Variants in KIF21A observed in about 807,000 individuals in gnomAD.
The protein encoded by KIF21A is kinesin family member 21A.
Under a neutral mutation model 202.9 loss-of-function variants are expected in KIF21A, and 114 were observed. The observed-to-expected ratio is 0.56, with a 90% confidence interval of 0.48 to 0.66. The LOEUF (loss-of-function observed/expected upper bound fraction) is 0.66. Ranked by LOEUF, KIF21A falls within the 30% of genes least tolerant of loss-of-function variation. The probability of loss-of-function intolerance (pLI) is 0.00; values close to 1 mark genes in which losing one functional copy is unlikely to be tolerated. For missense variants in KIF21A, 1,677 were observed against 1,994.9 expected, an observed-to-expected ratio of 0.84 and a Z score of 3.04; for synonymous variants, 667 against 670.8, an observed-to-expected ratio of 0.99 and a Z score of 0.09.
chr12:39,426,187 T>C (rs1360715787), intron 1 of KIF21A, among the ~76,000 whole-genome samples: 3 of 152,218 alleles, frequency 2.0e-5, no homozygotes, highest in Non-Finnish European at 4.4e-5. Context: ...AAAATATTTT[T>C]AGAATTGGAA....
rs117539528 is a variant in KIF21A, at chr12:39,344,864, G to A, written c.1712+1602C>T. On this transcript the variant is annotated intron_variant, in intron 12 of 37. Coordinates refer to ENST00000361418, the MANE Select transcript of KIF21A (RefSeq NM_001173464.2). ...GCTTTATATAGAATCAGAAGCTTGG[G>A]AGCTGGAAGGAACATTAGCAATTAA... Among the ~76,000 whole-genome samples, 1,195 of 152,182 alleles carry A rather than the reference G, an allele frequency of 7.9e-3. 12 individuals carry two copies. Among genetic ancestry groups the A allele is most frequent in the Middle Eastern group, 0.048 (14 of 294 alleles).
At chr12:39,357,735 C>T (rs1340598718) in intron 8 of KIF21A, among the ~76,000 whole-genome samples, 1 of 151,236 alleles carries the variant, frequency 6.6e-6, no homozygotes, top group Non-Finnish European at 1.5e-5. Flanking sequence ...CGTGGTGAAA[C>T]CCCATCTCTA....
At position 39,331,213 on chromosome 12, in the gene KIF21A, G is replaced by GAA. The variant is rs956979821; in HGVS notation, c.3154-304_3154-303dup. ...GAAAGAATCTAACAGTCCCAACATG[G>GAA]AAAAAAAAAAAGTGAGTCAGAAACC... On this transcript the variant is annotated intron_variant, in intron 22 of 37. Transcript: ENST00000361418. Among the ~76,000 whole-genome samples the GAA allele has an allele frequency of 1.9e-3, 278 of 145,070 alleles. 2 individuals carry two copies. The highest frequency in any genetic ancestry group is 6.6e-3 in the African/African-American group (264 of 39,852).
chr12:39,350,199 T>C (rs1421098310), intron 11 of KIF21A, among the ~76,000 whole-genome samples: 1 of 152,004 alleles, frequency 6.6e-6, no homozygotes, highest in Non-Finnish European at 1.5e-5. Context: ...TAACATCTAT[T>C]ATTTTTATTG....
intron 17 of KIF21A, among the ~76,000 whole-genome samples, chr12:39,335,955 T>C (rs1265850853): frequency 6.6e-6 from 1 of 152,188 alleles, no homozygotes; most frequent in Non-Finnish European, 1.5e-5. Flanking sequence ...CTCTTTACAT[T>C]CCAAAATAAA....
At chr12:39,295,378 T>TA (rs1033540549) in intron 37 of KIF21A, among the ~76,000 whole-genome samples, 39 of 151,956 alleles carry the variant, frequency 2.6e-4, no homozygotes, top group Admixed American at 1.6e-3. Flanking sequence ...TAACCCAAAG[T>TA]AAAAAAAATA....
intron 1 of KIF21A, among the ~76,000 whole-genome samples, chr12:39,407,227 G>T (rs1443778775): frequency 6.6e-6 from 1 of 151,870 alleles, no homozygotes; most frequent in Non-Finnish European, 1.5e-5. Context: ...TTACAGTGGG[G>T]GTCAAAACAG....
At chr12:39,307,045 C>T (rs934227967) in intron 34 of KIF21A, among the ~76,000 whole-genome samples, 9 of 152,102 alleles carry the variant, frequency 5.9e-5, no homozygotes, top group Non-Finnish European at 4.4e-5. Context: ...GATGTAATGC[C>T]TTAAATTTTA....
intron 32 of KIF21A, 52 bp from the exon 33 acceptor site, chr12:39,309,818 G>T (rs774661508): frequency 2.1e-6 from 3 of 1,419,034 alleles, no homozygotes; most frequent in Admixed American, 3.6e-5. Flanking sequence ...AACTACTTTA[G>T]GTTCTCTTAA....
At chr12:39,312,703 G>A (rs1944152710) in intron 31 of KIF21A, 1 of 151,834 alleles carries the variant, frequency 6.6e-6, no homozygotes, top group South Asian at 2.1e-4. Flanking sequence ...GCTCTTTAGG[G>A]AGCTTTCTCA....
rs1296742863 is a variant in KIF21A at position 39,309,735 on chromosome 12, A to T, written c.4128T>A (p.Thr1376=). The change falls in exon 33 of 38, where the codon ACT becomes ACA. Residue 1376 remains threonine, a synonymous_variant. Transcript: ENST00000361418. ...DRTCKVWNLV[T]GQEIMSLGGH... ...CCCCCAGTGACATTATTTCCTGCCC[A>T]GTCACCAGATTCCATACTTTACAAG... 2 of 1,613,446 alleles carry T rather than the reference A, an allele frequency of 1.2e-6. No individual in the cohort carries two copies. The highest frequency in any genetic ancestry group is 2.2e-5 in the South Asian group (2 of 91,070).
chr12:39,376,911 CAT>C (rs1253566036), intron 1 of KIF21A, among the ~76,000 whole-genome samples: 7 of 152,124 alleles, frequency 4.6e-5, no homozygotes, highest in African/African-American at 1.7e-4. Context: ...TAACATACAA[CAT>C]GTCTTCCTTT....
At chr12:39,337,613 A>G (rs1947093055) in intron 16 of KIF21A, 1 of 199,280 alleles carries the variant, frequency 5.0e-6, no homozygotes, top group African/African-American at 2.4e-5. Context: ...CAGCGTTTTA[A>G]CAGTACCTGG....
intron 33 of KIF21A, among the ~76,000 whole-genome samples, chr12:39,308,788 TATAATAG>T (rs749828851): frequency 8.5e-5 from 13 of 152,164 alleles, no homozygotes; most frequent in Non-Finnish European, 1.8e-4. Flanking sequence ...TAATACACGA[TATAATAG>T]TATTATTTTT....
At chr12:39,295,672 G>A (rs1331482556) in intron 37 of KIF21A, among the ~76,000 whole-genome samples, 2 of 145,608 alleles carry the variant, frequency 1.4e-5, no homozygotes, top group Admixed American at 1.4e-4. Context: ...CCTGCTACAT[G>A]CCAAGCATGC....
Position 39,330,821 on chromosome 12 carries a change from G to T in KIF21A, c.3244C>A (p.Leu1082Ile), listed in dbSNP as rs1437917259. ...TTCTCTTTCAACATATGGAATAAGA[G>T]CTGGTTTTGGGTAGCACTGGTTATT... ...TEITSATQNQLLFHMLKEKAE... is the reference protein window; with the variant it reads ...TEITSATQNQILFHMLKEKAE... Residue 1082 changes from leucine to isoleucine, a missense_variant, in exon 23 of 38, where the codon CTC (leucine) becomes ATC (isoleucine). Physicochemically the swap from Leu to Ile is conservative, Grantham distance 5. Transcript: ENST00000361418. The T allele has an allele frequency of 6.2e-7, 1 of 1,613,908 alleles. No individual in the cohort carries two copies. The highest frequency in any genetic ancestry group is 1.1e-5 in the South Asian group (1 of 91,074).
At chr12:39,379,430 A>T (rs1356216417) in intron 1 of KIF21A, among the ~76,000 whole-genome samples, 1 of 152,060 alleles carries the variant, frequency 6.6e-6, no homozygotes, top group East Asian at 1.9e-4. Context: ...TAAAATGAAC[A>T]CTCACTCTGG....
At position 39,332,718 on chromosome 12, in the gene KIF21A, G is replaced by A; in HGVS notation, c.2729C>T (p.Thr910Ile). The A allele has an allele frequency of 6.2e-7, 1 of 1,614,064 alleles. No homozygotes were observed. Among genetic ancestry groups the A allele is most frequent in the South Asian group, 1.1e-5 (1 of 91,080 alleles). The change falls in exon 20 of 38, where the codon ACT becomes ATT. Residue 910 changes from threonine to isoleucine, a missense_variant. By Grantham distance (89) the Thr-to-Ile change is moderately conservative. This residue lies in a region of KIF21A where 966 missense variants were observed against 1,180.9 expected (regional missense o/e 0.82). Coordinates refer to ENST00000361418, the MANE Select transcript of KIF21A (RefSeq NM_001173464.2). ...NRKKYQRKGL[T>I]GRVFISKTAR... The stretch of plus-strand genomic sequence containing the variant: ...TGTCTTGGAAATAAACACTCGGCCA[G>A]TCAATCCTTTCCTCTGATATTTTTT...
At chr12:39,437,454 C>T (rs761436288) in intron 1 of KIF21A, among the ~76,000 whole-genome samples, 3 of 152,126 alleles carry the variant, frequency 2.0e-5, no homozygotes, top group Non-Finnish European at 4.4e-5. Context: ...TTTCAGTCTA[C>T]TCTCTTTCAT....
Sources: gnomAD v4.1 joint callset for allele counts (sites outside exome capture counted in the v4.1 genomes callset) on GRCh38, gnomAD v4.1.1 for gene constraint, gnomAD v4.1.1 regional missense constraint, MANE v1.5 for transcripts, NCBI Gene and HGNC (gene_info 2026-07-23, HGNC 2026-07-21) for gene names.